REV3L: variants seen among roughly 807,000 people sequenced by gnomAD.
The protein encoded by REV3L is DNA polymerase zeta catalytic subunit.
REV3L carries 69 observed loss-of-function variants against 299.4 expected under a neutral mutation model. The ratio of observed to expected loss-of-function variants is 0.23; its 90% CI spans 0.19 to 0.28. The LOEUF (loss-of-function observed/expected upper bound fraction) is 0.28, where lower values mean the gene tolerates loss of function less well. Among genes scored for constraint, REV3L ranks in the 10% least tolerant of loss-of-function variants. REV3L has a pLI of 1.00. For synonymous variants in REV3L, 1,238 were observed against 1,271.4 expected (o/e 0.97, Z 0.56); for missense variants, 3,128 against 3,693.8 (o/e 0.85, Z 3.97).
intron 11 of REV3L, 53 bp from the exon 12 acceptor site, chr6:111,377,896 C>A: frequency 6.8e-7 from 1 of 1,470,098 alleles, no homozygotes; most frequent in Non-Finnish European, 9.2e-7. Flanking sequence ...AAGACCATCT[C>A]AGATGCAAAT....
At chr6:111,427,673 T>C (rs1292141142) in intron 1 of REV3L, among the ~76,000 whole-genome samples, 3 of 152,044 alleles carry the variant, frequency 2.0e-5, no homozygotes, top group Non-Finnish European at 1.5e-5. Flanking sequence ...CAACTCAGAG[T>C]TGCTACACTG....
chr6:111,424,139 T>A (rs901434005), intron 1 of REV3L, among the ~76,000 whole-genome samples: 5 of 152,154 alleles, frequency 3.3e-5, no homozygotes, highest in African/African-American at 1.2e-4. Context: ...TATTTTGATT[T>A]ATGTGAAATG....
rs774792928 is a variant in REV3L, at chr6:111,374,941, T to C, written c.3414A>G (p.Glu1138=). The C allele has an allele frequency of 3.7e-6, 6 of 1,612,892 alleles. No homozygotes were observed. The South Asian group carries it at 5.5e-5, about 15-fold the overall frequency. ...CCTCTTTTTCTGCAGCAGCCATGAT[T>C]TCTTCAGCTCTTGGATCTGTGGGAG... ...CWSPTDPRAE[E]IMAAAEKEAM... is the part of the protein sequence containing the mutation. Residue 1138 remains glutamate, a synonymous_variant, in exon 13 of 32, where the codon GAA becomes GAG. Transcript: ENST00000368802.
In REV3L at chr6:111,322,640, C is replaced by T; in HGVS notation, c.8280G>A (p.Leu2760=). Residue 2760 remains leucine, a synonymous_variant, in exon 26 of 32, where the codon TTG becomes TTA. Coordinates refer to ENST00000368802, the MANE Select transcript of REV3L (RefSeq NM_001372078.1). ...DSIVHKARET[L]ERAIKLVNDT... ...CATTCACCAGTTTAATAGCTCGTTC[C>T]AAGGTCTCTCTGGCTTTGTGAACAA... is the stretch of plus-strand genomic sequence containing the variant. 6.2e-7 allele frequency: 1 copy of T among 1,614,112 alleles called. No individual in the cohort carries two copies. The highest frequency in any genetic ancestry group is 8.5e-7 in the Non-Finnish European group (1 of 1,179,986).
intron 22 of REV3L, among the ~76,000 whole-genome samples, chr6:111,333,956 T>C (rs1407069303): frequency 2.6e-5 from 4 of 152,170 alleles, no homozygotes; most frequent in African/African-American, 9.7e-5. Flanking sequence ...TTATTTATTT[T>C]GAGATGAAGT....
chr6:111,478,213 T>C (rs1367836153), intron 1 of REV3L, among the ~76,000 whole-genome samples: 1 of 152,216 alleles, frequency 6.6e-6, no homozygotes, highest in Non-Finnish European at 1.5e-5. Flanking sequence ...ATATAGAACA[T>C]GTCTCCCAAT....
At chr6:111,450,908 T>C (rs9487646) in intron 1 of REV3L, among the ~76,000 whole-genome samples, 5,668 of 152,292 alleles carry the variant, frequency 0.037, 368 homozygotes, top group African/African-American at 0.13. Flanking sequence ...TGGAATGAGA[T>C]ATTACCTATA....
chr6:111,466,790 C>T (rs995881323), intron 1 of REV3L, among the ~76,000 whole-genome samples: 3 of 151,988 alleles, frequency 2.0e-5, no homozygotes, highest in Non-Finnish European at 2.9e-5. Flanking sequence ...TGCAGTGAGC[C>T]GAGATCGCAC....
Position 111,389,120 on chromosome 6 carries a change from T to C in REV3L, c.848A>G (p.Gln283Arg). The C allele has an allele frequency of 6.2e-7, 1 of 1,613,594 alleles. No homozygotes were observed. Among genetic ancestry groups the C allele is most frequent in the Non-Finnish European group, 8.5e-7 (1 of 1,179,502 alleles). Residue 283 changes from glutamine to arginine, a missense_variant, in exon 7 of 32, where the codon CAA becomes CGA. Gln to Arg is a conservative substitution (Grantham distance 43). Transcript: ENST00000368802. Reference sequence around the variant, plus strand: ...TAGGTTTATACCTTGTGACTCAGGTTGGCTCATTTGAGAAGTTTCATTTCT... The same window carrying C: ...TAGGTTTATACCTTGTGACTCAGGTCGGCTCATTTGAGAAGTTTCATTTCT... Reference protein sequence around the residue: ...RNRNETSQMSQPESQDHRFVP... With the variant: ...RNRNETSQMSRPESQDHRFVP...
upstream of REV3L, chr6:111,483,335 G>A: frequency 2.1e-6 from 1 of 479,104 alleles, no homozygotes. Flanking sequence ...GCCCGGGCGG[G>A]ACACGGAGGG....
chr6:111,423,210 A>C (rs1213922058), intron 1 of REV3L, among the ~76,000 whole-genome samples: 4 of 152,038 alleles, frequency 2.6e-5, no homozygotes, highest in African/African-American at 9.7e-5. Context: ...ATGATGAATA[A>C]ATAGGCAATT....
At chr6:111,346,562 C>T (rs1777050730) in intron 20 of REV3L, among the ~76,000 whole-genome samples, 1 of 152,160 alleles carries the variant, frequency 6.6e-6, no homozygotes, top group African/African-American at 2.4e-5. Flanking sequence ...CAGTGCACTG[C>T]AGCCTTGAAT....
intron 2 of REV3L, 48 bp downstream of exon 2, chr6:111,416,230 AAATAG>A: frequency 7.9e-7 from 1 of 1,266,264 alleles, no homozygotes; most frequent in Non-Finnish European, 1.1e-6. Flanking sequence ...GTTTTCCTCT[AAATAG>A]AATAGCAACA....
intron 2 of REV3L, among the ~76,000 whole-genome samples, chr6:111,413,414 C>T (rs910729175): frequency 8.6e-5 from 13 of 151,940 alleles, no homozygotes; most frequent in African/African-American, 3.1e-4. Flanking sequence ...AAAAATCTCA[C>T]CTAATTAATT....
chr6:111,378,614 A>G (rs187091222), intron 11 of REV3L, among the ~76,000 whole-genome samples: 18 of 152,292 alleles, frequency 1.2e-4, no homozygotes. Context: ...CATAATCTGT[A>G]TAAGGGGCTT....
intron 1 of REV3L, among the ~76,000 whole-genome samples, chr6:111,455,649 T>G (rs1454219989): frequency 6.6e-6 from 1 of 152,164 alleles, no homozygotes; most frequent in African/African-American, 2.4e-5. Flanking sequence ...ACCATGGAAA[T>G]GGACAGAGAA....
intron 14 of REV3L, among the ~76,000 whole-genome samples, chr6:111,365,707 A>G (rs1484153359): frequency 2.0e-5 from 3 of 152,198 alleles, no homozygotes; most frequent in Non-Finnish European, 2.9e-5. Flanking sequence ...CATCAAACAT[A>G]CTAGAAAAAT....
chr6:111,362,150 C>G (rs903230597), intron 16 of REV3L, among the ~76,000 whole-genome samples: 11 of 152,112 alleles, frequency 7.2e-5, no homozygotes, highest in African/African-American at 2.7e-4. Flanking sequence ...GAATTTATCA[C>G]TTAATTTATC....
chr6:111,437,097 A>G (rs1487901309), intron 1 of REV3L, among the ~76,000 whole-genome samples: 4 of 152,214 alleles, frequency 2.6e-5, no homozygotes, highest in African/African-American at 9.6e-5. Flanking sequence ...GACAATAACT[A>G]GTGTTGTGGA....
Sources: gnomAD v4.1 joint callset for allele counts (sites outside exome capture counted in the v4.1 genomes callset) on GRCh38, gnomAD v4.1.1 for gene constraint, MANE v1.5 for transcripts, NCBI Gene and HGNC (gene_info 2026-07-23, HGNC 2026-07-21) for gene names.